Variants in TSPAN15 observed in about 807,000 individuals in gnomAD.
TSPAN15 encodes tetraspanin 15, also known as tetraspanin-15.
A neutral mutation model predicts 34.5 loss-of-function variants in TSPAN15; 20 were observed. The observed-to-expected ratio is 0.58, with a 90% CI of 0.41 to 0.84. The LOEUF is 0.84. Ranked by LOEUF, TSPAN15 falls within the 40% of genes least tolerant of loss-of-function variation. TSPAN15 has a pLI of 0.00. For missense variants in TSPAN15, 313 were observed against 386.1 expected (o/e 0.81, Z 1.59); for synonymous variants, 155 against 153.9 (o/e 1.01, Z -0.05).
At chr10:69,521,187 C>T in the TSPAN15 span, among the ~76,000 whole-genome samples, 2 of 152,288 alleles carry the variant, frequency 1.3e-5, no homozygotes, top group Non-Finnish European at 2.9e-5. Context: ...CAGGCATCCT[C>T]CAATTCTTTG....
At chr10:69,513,235 C>T in the TSPAN15 span, among the ~76,000 whole-genome samples, 7 of 152,266 alleles carry the variant, frequency 4.6e-5, no homozygotes, top group South Asian at 1.5e-3. Flanking sequence ...TTTGCTGAAG[C>T]GCCTTTTGAA....
At chr10:69,467,639 C>CA (rs1445893895) in intron 1 of TSPAN15, among the ~76,000 whole-genome samples, 5 of 58,862 alleles carry the variant, frequency 8.5e-5, no homozygotes, top group Non-Finnish European at 1.8e-4. Context: ...AACAAAACAA[C>CA]ACACACACAC....
intron 1 of TSPAN15, among the ~76,000 whole-genome samples, chr10:69,465,795 A>T (rs1034925659): frequency 6.6e-6 from 1 of 151,984 alleles, no homozygotes; most frequent in African/African-American, 2.4e-5. Context: ...CTTTTTGGGG[A>T]TGGGTGGTTT....
At chr10:69,548,858 T>C in the TSPAN15 span, among the ~76,000 whole-genome samples, 10 of 152,054 alleles carry the variant, frequency 6.6e-5, no homozygotes, top group African/African-American at 2.4e-4. Flanking sequence ...TGGAGACGCA[T>C]TGCTATAATA....
chr10:69,451,581 G>C lies in TSPAN15; in HGVS notation c.-14G>C. 1.4e-6 allele frequency: 2 copies of C among 1,451,954 alleles called. No individual in the cohort carries two copies. Among genetic ancestry groups the C allele is most frequent in the Non-Finnish European group, 1.8e-6 (2 of 1,098,752 alleles). 89.9% of individuals were successfully genotyped at this position (1,451,954 alleles called of 1,614,324 possible). On this transcript the variant is annotated 5_prime_UTR_variant, in exon 1 of 8. Transcript: ENST00000373290. ...GCCCCGGAGCCCCCGTAACCCGCGCGGGGAGCGCCCAGGATGCCGCGCGGG... is the reference window on the plus strand; with the variant it reads ...GCCCCGGAGCCCCCGTAACCCGCGCCGGGAGCGCCCAGGATGCCGCGCGGG...
In TSPAN15 at chr10:69,478,100, C is replaced by T. The variant is rs74769967; in HGVS notation, c.97-5591C>T. Reference sequence around the variant, plus strand: ...ATGTTGCCTCTGCTGCTCCCGCCAGCACCCTGCTCTGGGACAGGAGAAGCT... The same window carrying T: ...ATGTTGCCTCTGCTGCTCCCGCCAGTACCCTGCTCTGGGACAGGAGAAGCT... On this transcript the variant is annotated intron_variant, in intron 1 of 7. Coordinates refer to ENST00000373290, the MANE Select transcript of TSPAN15 (RefSeq NM_012339.5). Among the ~76,000 whole-genome samples, 54 of 152,326 alleles carry T rather than the reference C, an allele frequency of 3.5e-4. No individual in the cohort carries two copies. In the East Asian group the frequency reaches 9.7e-3, roughly 27 times the overall value.
the TSPAN15 span, among the ~76,000 whole-genome samples, chr10:69,534,606 C>A: frequency 2.6e-5 from 4 of 152,048 alleles, no homozygotes; most frequent in African/African-American, 9.7e-5. Flanking sequence ...GATTTCTAAT[C>A]AGTTGATCCT....
chr10:69,454,335 T>C (rs1337173119), intron 1 of TSPAN15, among the ~76,000 whole-genome samples: 1 of 151,976 alleles, frequency 6.6e-6, no homozygotes, highest in Non-Finnish European at 1.5e-5. Flanking sequence ...CTGGCTAACA[T>C]GGTGAAACCT....
the TSPAN15 span, among the ~76,000 whole-genome samples, chr10:69,530,820 C>CTCTCTCTCTCTATA: frequency 1.3e-4 from 4 of 30,780 alleles, no homozygotes; most frequent in African/African-American, 2.3e-4. Context: ...CTCTCTCTCT[C>CTCTCTCTCTCTATA]TATATATATA....
chr10:69,463,631 G>A (rs1841317743), intron 1 of TSPAN15, among the ~76,000 whole-genome samples: 2 of 152,234 alleles, frequency 1.3e-5, no homozygotes, highest in South Asian at 4.2e-4. Context: ...CCAACATGGT[G>A]AAACCCCATC....
At chr10:69,485,896 G>A (rs1167659051) in intron 3 of TSPAN15, among the ~76,000 whole-genome samples, 2 of 152,178 alleles carry the variant, frequency 1.3e-5, no homozygotes, top group African/African-American at 2.4e-5. Flanking sequence ...CTGTTATGCC[G>A]GCTAGAGGAG....
intron 1 of TSPAN15, among the ~76,000 whole-genome samples, chr10:69,464,120 G>A (rs1026951715): frequency 6.6e-6 from 1 of 152,242 alleles, no homozygotes; most frequent in Non-Finnish European, 1.5e-5. Flanking sequence ...GCTGGAGGAG[G>A]CAAGAGGGCT....
At chr10:69,493,056 G>A (rs559803771) in intron 3 of TSPAN15, among the ~76,000 whole-genome samples, 2 of 152,256 alleles carry the variant, frequency 1.3e-5, no homozygotes, top group African/African-American at 4.8e-5. Flanking sequence ...CCCACCCTGG[G>A]TGGCAGACTG....
rs115529447 is a variant in TSPAN15, at chr10:69,486,664, T to C, written c.357+1449T>C. Among the ~76,000 whole-genome samples the C allele has an allele frequency of 6.2e-3, 944 of 152,282 alleles. 13 individuals carry two copies. Among genetic ancestry groups the C allele is most frequent in the African/African-American group, 0.021 (868 of 41,548 alleles). ...AGCAGGTGCTGTCCCACACCCTGGG[T>C]TGTGCAGACCTCTCAGATGGCCCAG... On this transcript the variant is annotated intron_variant, in intron 3 of 7. Coordinates refer to ENST00000373290, the MANE Select transcript of TSPAN15 (RefSeq NM_012339.5).
At chr10:69,459,955 T>C (rs1244980940) in intron 1 of TSPAN15, among the ~76,000 whole-genome samples, 2 of 148,574 alleles carry the variant, frequency 1.3e-5, no homozygotes, top group African/African-American at 2.5e-5. Flanking sequence ...ACTCTAGGGC[T>C]CCCTGCCCAC....
rs776929837 is a variant in TSPAN15 at position 69,506,983 on chromosome 10, C to T, written c.*5C>T. On this transcript the variant is annotated 3_prime_UTR_variant, in exon 8 of 8. Transcript: ENST00000373290. The surrounding 1 kb of genome is among the most constrained non-coding windows in gnomAD (Gnocchi z 4.7). Reference sequence around the variant, plus strand: ...TGCTTGTGCTACCCCAATTAGGGCCCAGCCTGCCATGGCAGCTCCAACAAG... The same window carrying T: ...TGCTTGTGCTACCCCAATTAGGGCCTAGCCTGCCATGGCAGCTCCAACAAG... The T allele has an allele frequency of 1.2e-6, 2 of 1,607,414 alleles. No individual in the cohort carries two copies. The highest frequency in any genetic ancestry group is 1.1e-5 in the South Asian group (1 of 89,142).
intron 1 of TSPAN15, among the ~76,000 whole-genome samples, chr10:69,458,803 T>C (rs531108996): frequency 5.3e-5 from 8 of 152,284 alleles, no homozygotes; most frequent in South Asian, 2.1e-4. Flanking sequence ...TGTCCTTCGC[T>C]CTTAACCTAG....
At chr10:69,505,582 T>C (rs74453550) in intron 6 of TSPAN15, among the ~76,000 whole-genome samples, 266 of 149,460 alleles carry the variant, frequency 1.8e-3, no homozygotes, top group African/African-American at 5.7e-3. Context: ...TTTTTTTTTT[T>C]CCCTTAAGAG....
chr10:69,459,160 T>C (rs1841188262), intron 1 of TSPAN15, among the ~76,000 whole-genome samples: 1 of 150,950 alleles, frequency 6.6e-6, no homozygotes, highest in Admixed American at 6.6e-5. Context: ...AGAGAACTTT[T>C]AGATGTGAAT....
Sources: allele counts gnomAD v4.1 joint callset (sites outside exome capture counted in the v4.1 genomes callset), GRCh38; gene constraint gnomAD v4.1.1; non-coding constraint Gnocchi (gnomAD v3.1); transcripts MANE v1.5; gene names NCBI Gene and HGNC (gene_info 2026-07-23, HGNC 2026-07-21).